GLDC: variants seen among roughly 807,000 people sequenced by gnomAD.
The protein encoded by GLDC is glycine dehydrogenase (decarboxylating), mitochondrial.
GLDC carries 104 observed loss-of-function variants against 121.3 expected under a neutral mutation model. That is an observed-to-expected ratio of 0.86 (90% confidence interval 0.73 to 1.01). The LOEUF (loss-of-function observed/expected upper bound fraction) is 1.01, where lower values mean the gene tolerates loss of function less well. Ranked by LOEUF, GLDC falls within the 50% of genes least tolerant of loss-of-function variation. The pLI is 0.00. For synonymous variants in GLDC, 546 were observed against 480.6 expected, an observed-to-expected ratio of 1.14 and a Z score of -1.78; for missense variants, 1,429 against 1,306.6, an observed-to-expected ratio of 1.09 and a Z score of -1.44.
intron 15 of GLDC, among the ~76,000 whole-genome samples, chr9:6,582,005 A>T (rs1036515682): frequency 6.6e-6 from 1 of 151,760 alleles, no homozygotes; most frequent in South Asian, 2.1e-4. Flanking sequence ...ACCTGAGATC[A>T]GGAGTTTGAG....
rs77529825 is a variant in GLDC at position 6,587,940 on chromosome 9, A to C, written c.1707+461T>G. The stretch of plus-strand genomic sequence containing the variant: ...GCTTCGCTAAAATGGATCCTGGCCT[A>C]GTAGAGATACTTGCCAACCACAACA... On this transcript the variant is annotated intron_variant, in intron 14 of 24. Coordinates refer to ENST00000321612, the MANE Select transcript of GLDC (RefSeq NM_000170.3). Among the ~76,000 whole-genome samples the C allele has an allele frequency of 1.0e-3, 154 of 152,316 alleles. 2 individuals carry two copies. In the East Asian group the frequency reaches 0.018, roughly 18 times the overall value.
At chr9:6,644,290 C>T (rs993851737) in intron 2 of GLDC, among the ~76,000 whole-genome samples, 1 of 151,778 alleles carries the variant, frequency 6.6e-6, no homozygotes, top group African/African-American at 2.4e-5. Context: ...ACCTCTCAAC[C>T]CAAAGTATGA....
chr9:6,601,877 T>G (rs1818618113), intron 8 of GLDC, among the ~76,000 whole-genome samples: 1 of 152,160 alleles, frequency 6.6e-6, no homozygotes, highest in Non-Finnish European at 1.5e-5. Context: ...GCAATCTGCC[T>G]GCCTTGGCCT....
At chr9:6,623,189 G>A (rs896655436) in intron 2 of GLDC, 14 of 177,998 alleles carry the variant, frequency 7.9e-5, no homozygotes, top group African/African-American at 3.1e-4. Flanking sequence ...GAAAGGTGGG[G>A]AAAAGATTGA....
At chr9:6,545,526 A>T (rs1465423719) in intron 21 of GLDC, among the ~76,000 whole-genome samples, 1 of 152,222 alleles carries the variant, frequency 6.6e-6, no homozygotes, top group Non-Finnish European at 1.5e-5. Context: ...GTGAACGGGA[A>T]GGTCTAGGAC....
In GLDC at chr9:6,633,070, TC is replaced by T. The variant is rs376340838; in HGVS notation, c.334+11543del. ...TTTCCCTAGTACTCAGTCTCAGCCT[TC>T]CTGTCTCTCATGCAGAGAGATCGTC... is the stretch of plus-strand genomic sequence containing the variant. On this transcript the variant is annotated intron_variant, in intron 2 of 24. Coordinates refer to ENST00000321612, the MANE Select transcript of GLDC (RefSeq NM_000170.3). 5.3e-5 allele frequency among the ~76,000 whole-genome samples: 8 copies of T among 152,240 alleles called. No homozygotes were observed. The East Asian group carries it at 1.5e-3, about 29-fold the overall frequency.
chr9:6,582,814 G>C (rs1413589863), intron 15 of GLDC, among the ~76,000 whole-genome samples: 1 of 150,126 alleles, frequency 6.7e-6, no homozygotes, highest in Non-Finnish European at 1.5e-5. Flanking sequence ...GGGCGACAGA[G>C]CGAGACCTCG....
chr9:6,640,996 G>C (rs924967404), intron 2 of GLDC, among the ~76,000 whole-genome samples: 1 of 152,180 alleles, frequency 6.6e-6, no homozygotes, highest in African/African-American at 2.4e-5. Flanking sequence ...GGGAATGCAG[G>C]ATTCACTTGA....
At chr9:6,545,248 A>T (rs1357650636) in intron 21 of GLDC, among the ~76,000 whole-genome samples, 1 of 152,234 alleles carries the variant, frequency 6.6e-6, no homozygotes, top group East Asian at 1.9e-4. Context: ...TGCAAACAGC[A>T]TGGTGTACTT....
chr9:6,620,835 C>T (rs912049818), intron 2 of GLDC, among the ~76,000 whole-genome samples: 9 of 152,134 alleles, frequency 5.9e-5, no homozygotes, highest in African/African-American at 1.4e-4. Context: ...TATAAAAAGG[C>T]CATCACTCAA....
Position 6,589,215 on chromosome 9 carries a change from G to C in GLDC, c.1560C>G (p.Leu520=), listed in dbSNP as rs748612685. The change falls in exon 12 of 25, where the codon CTC becomes CTG. Residue 520 remains leucine, a synonymous_variant. Coordinates refer to ENST00000321612, the MANE Select transcript of GLDC (RefSeq NM_000170.3). ...GSVFKRTSPF[L]THQVFNSYHS... ...CAAACCTGTTGAACACTTGATGGGT[G>C]AGGAACGGGCTGGTCCTCTTGAACA... is the stretch of plus-strand genomic sequence containing the variant. 6 of 1,602,938 alleles carry C rather than the reference G, an allele frequency of 3.7e-6. No individual in the cohort carries two copies. The East Asian group carries it at 1.1e-4, about 30-fold the overall frequency.
chr9:6,645,108 C>T, intron 1 of GLDC, 137 bp downstream of exon 1: 2 of 861,912 alleles, frequency 2.3e-6, no homozygotes, highest in Non-Finnish European at 3.5e-6. Flanking sequence ...AATTTGCTTC[C>T]ACGCCACGGC....
intron 21 of GLDC, among the ~76,000 whole-genome samples, chr9:6,548,528 A>G (rs187928504): frequency 1.6e-4 from 25 of 152,262 alleles, no homozygotes; most frequent in Non-Finnish European, 2.8e-4. Flanking sequence ...ATTTGGTCCT[A>G]TTCTTTTTCA....
At chr9:6,620,905 C>T (rs993938214) in intron 2 of GLDC, among the ~76,000 whole-genome samples, 2 of 152,220 alleles carry the variant, frequency 1.3e-5, no homozygotes, top group East Asian at 3.8e-4. Flanking sequence ...CAGTGGCTCA[C>T]ACCTGCAATC....
Position 6,605,172 on chromosome 9 carries a change from C to T in GLDC, c.820G>A (p.Glu274Lys), listed in dbSNP as rs747139145. 1 of 1,613,448 alleles carries T rather than the reference C, an allele frequency of 6.2e-7. No individual in the cohort carries two copies. Among genetic ancestry groups the T allele is most frequent in the South Asian group, 1.1e-5 (1 of 91,038 alleles). ...CTCTCCACGAGTTCCGTAAAGTCTT[C>T]CACCTTCCCCTCCGTGTCTGGGTAC... Reference protein sequence around the residue: ...FQYPDTEGKVEDFTELVERAH... With the variant: ...FQYPDTEGKVKDFTELVERAH... Residue 274 changes from glutamate to lysine, a missense_variant, in exon 6 of 25, where the codon GAA (glutamate) becomes AAA (lysine). By Grantham distance (56) the Glu-to-Lys change is moderately conservative. Transcript: ENST00000321612.
intron 21 of GLDC, chr9:6,540,460 T>C: frequency 2.7e-6 from 1 of 372,106 alleles, no homozygotes; most frequent in Non-Finnish European, 5.1e-6. Context: ...GGGGATGAGA[T>C]TATTTCTATT....
At chr9:6,617,143 G>A (rs973832966) in intron 3 of GLDC, among the ~76,000 whole-genome samples, 2 of 152,180 alleles carry the variant, frequency 1.3e-5, no homozygotes, top group African/African-American at 4.8e-5. Context: ...AAACCATTCA[G>A]AAGGATGATA....
chr9:6,539,965 C>T (rs1817220560), intron 22 of GLDC, 86 bp downstream of exon 22: 2 of 870,128 alleles, frequency 2.3e-6, no homozygotes, highest in Admixed American at 1.7e-5. Context: ...GATCAGTTTA[C>T]TGTGGTGCCT....
intron 15 of GLDC, among the ~76,000 whole-genome samples, chr9:6,586,094 G>C (rs1310311073): frequency 1.3e-5 from 2 of 152,060 alleles, no homozygotes; most frequent in Non-Finnish European, 2.9e-5. Flanking sequence ...TCAGGAGTTA[G>C]AGACCAGCCT....
Sources: gnomAD v4.1 joint callset for allele counts (sites outside exome capture counted in the v4.1 genomes callset) on GRCh38, gnomAD v4.1.1 for gene constraint, MANE v1.5 for transcripts, NCBI Gene and HGNC (gene_info 2026-07-23, HGNC 2026-07-21) for gene names.